Variants in CYLC1 observed in about 807,000 individuals in gnomAD.
The protein encoded by CYLC1 is cylicin-1.
Under a neutral mutation model 31.6 loss-of-function variants are expected in CYLC1, and 2 were observed. That is an observed-to-expected ratio of 0.06 (90% CI 0.03 to 0.20). CYLC1 has a LOEUF of 0.20. CYLC1 is among the 10% of genes least tolerant of loss of function. The pLI is 1.00. For missense variants in CYLC1, 595 were observed against 424.1 expected (o/e 1.40, Z -3.54); for synonymous variants, 185 against 153.0 (o/e 1.21, Z -1.54).
intron 4 of CYLC1, among the ~76,000 whole-genome samples, chrX:83,879,330 A>AT (rs2031877209): frequency 9.1e-6 from 1 of 109,718 alleles, no homozygotes; most frequent in African/African-American, 3.4e-5. Context: ...CTCTTACACC[A>AT]TTTCCTTGTA....
rs142567936 is a variant in CYLC1 at position 83,864,794 on chromosome X, C to G, written c.17+3595C>G. 1,324 of 253,186 alleles carry G rather than the reference C, an allele frequency of 5.2e-3. 14 individuals are homozygous for G. Among genetic ancestry groups the G allele is most frequent in the African/African-American group, 0.036 (1,207 of 33,691 alleles). The allele number at this position is 253,186 out of a possible 1,213,427, so 20.9% of individuals were successfully genotyped here. A position where few individuals can be genotyped will look rare whatever the true frequency, so the allele number is the denominator to read the frequency against. ...CTAGCAGCACTTGATACAACTGAGC[C>G]CCTTCATGAAATATTCTTCTCTTGG... is the stretch of plus-strand genomic sequence containing the variant. On this transcript the variant is annotated intron_variant, in intron 1 of 4. Coordinates refer to ENST00000329312, the MANE Select transcript of CYLC1 (RefSeq NM_021118.3).
chrX:83,865,640 A>C, intron 1 of CYLC1, among the ~76,000 whole-genome samples: 1 of 111,837 alleles, frequency 8.9e-6, no homozygotes, highest in Non-Finnish European at 1.9e-5. Context: ...AGGCATCAGA[A>C]GCTATTGTAT....
chrX:83,872,460 G>A (rs2031679108), intron 3 of CYLC1, among the ~76,000 whole-genome samples: 1 of 110,305 alleles, frequency 9.1e-6, no homozygotes, highest in Non-Finnish European at 1.9e-5. Context: ...TACAGGAACT[G>A]TCATAACAAA....
At position 83,885,596 on chromosome X, in the gene CYLC1, C is replaced by G. The variant is rs981472429; in HGVS notation, c.1924-956C>G. ...TCAGTGACAGCAGTACATTTATTCA[C>G]TGCTGACTTCAGAAGGGGACCAATA... On this transcript the variant is annotated intron_variant, in intron 4 of 4. Coordinates refer to ENST00000329312, the MANE Select transcript of CYLC1 (RefSeq NM_021118.3). Among the ~76,000 whole-genome samples the G allele has an allele frequency of 2.6e-4, 28 of 109,405 alleles. 1 individual carries two copies. Among genetic ancestry groups the G allele is most frequent in the Admixed American group, 2.0e-3 (20 of 10,056 alleles).
At chrX:83,878,818 A>G (rs1203904651) in intron 4 of CYLC1, among the ~76,000 whole-genome samples, 3 of 105,479 alleles carry the variant, frequency 2.8e-5, no homozygotes, top group African/African-American at 6.9e-5. Context: ...TTATGAACAA[A>G]CTTTGTTATT....
At chrX:83,882,294 C>A (rs1274811262) in intron 4 of CYLC1, among the ~76,000 whole-genome samples, 1 of 110,635 alleles carries the variant, frequency 9.0e-6, no homozygotes, top group Non-Finnish European at 1.9e-5. Flanking sequence ...CTAATTGAGT[C>A]CTACATTTGT....
chrX:83,872,136 G>A (rs2031674683), intron 3 of CYLC1, among the ~76,000 whole-genome samples: 1 of 110,697 alleles, frequency 9.0e-6, no homozygotes, highest in African/African-American at 3.3e-5. Flanking sequence ...TTTCTCTTCA[G>A]GTCATCTTTT....
Position 83,869,922 on chromosome X carries a change from T to C in CYLC1, c.58+17T>C. 1 of 786,706 alleles carries C rather than the reference T, an allele frequency of 1.3e-6. No homozygotes were observed. Among genetic ancestry groups the C allele is most frequent in the Admixed American group, 4.8e-5 (1 of 20,833 alleles). 64.8% of individuals were successfully genotyped at this position (786,706 alleles called of 1,213,427 possible). Reference sequence around the variant, plus strand: ...CCATTCCAAGTAAGAATTTAGTTAATGAAGTTTAATATTTCTTAGATTGGA... The same window carrying C: ...CCATTCCAAGTAAGAATTTAGTTAACGAAGTTTAATATTTCTTAGATTGGA... On this transcript the variant is annotated intron_variant, in intron 2 of 4. Coordinates refer to ENST00000329312, the MANE Select transcript of CYLC1 (RefSeq NM_021118.3).
At position 83,885,485 on chromosome X, in the gene CYLC1, C is replaced by T. The variant is rs758458479; in HGVS notation, c.1924-1067C>T. On this transcript the variant is annotated intron_variant, in intron 4 of 4. Coordinates refer to ENST00000329312, the MANE Select transcript of CYLC1 (RefSeq NM_021118.3). ...ATGCGACTATTATATATATATAAAT[C>T]TTATGTATATTAACTATATCAATAC... Among the ~76,000 whole-genome samples the T allele has an allele frequency of 4.6e-5, 5 of 108,987 alleles. 1 individual carries two copies. The highest frequency in any genetic ancestry group is 4.0e-4 in the Admixed American group (4 of 10,007). The allele number at this position is 108,987 out of a possible 115,157, so 94.6% of individuals were successfully genotyped here.
chrX:83,862,375 CAAAAAAAAAAAA>C (rs754165765), intron 1 of CYLC1, among the ~76,000 whole-genome samples: 63 of 58,835 alleles, frequency 1.1e-3, no homozygotes, highest in Admixed American at 4.2e-3. Flanking sequence ...ACTAAAAATA[CAAAAAAAAAAAA>C]AAAAAATCAG....
intron 4 of CYLC1, among the ~76,000 whole-genome samples, chrX:83,884,866 A>C (rs2031961213): frequency 9.0e-6 from 1 of 111,006 alleles, no homozygotes; most frequent in Admixed American, 9.7e-5. Flanking sequence ...GACTGTCAAT[A>C]ATAATTTCTA....
intron 4 of CYLC1, among the ~76,000 whole-genome samples, chrX:83,885,307 T>A (rs2031966027): frequency 9.1e-6 from 1 of 109,823 alleles, no homozygotes; most frequent in African/African-American, 3.3e-5. Context: ...GACATATTTC[T>A]GAGAATGAAA....
At chrX:83,875,224 T>C (rs1371645293) in intron 4 of CYLC1, among the ~76,000 whole-genome samples, 1 of 111,588 alleles carries the variant, frequency 9.0e-6, no homozygotes, top group Non-Finnish European at 1.9e-5. Context: ...ATAAACCTCA[T>C]GTTAACTTTA....
chrX:83,875,486 G>A (rs934179689), intron 4 of CYLC1, among the ~76,000 whole-genome samples: 2 of 111,694 alleles, frequency 1.8e-5, no homozygotes, highest in African/African-American at 6.5e-5. Flanking sequence ...TCTCAATCAT[G>A]GCAAAAGGCA....
intron 1 of CYLC1, among the ~76,000 whole-genome samples, chrX:83,862,178 A>G (rs976790985): frequency 2.7e-5 from 3 of 111,313 alleles, no homozygotes; most frequent in African/African-American, 9.8e-5. Flanking sequence ...TAATGTTCAT[A>G]TTTTTTTCTA....
At chrX:83,866,120 G>GT (rs1485441983) in intron 1 of CYLC1, among the ~76,000 whole-genome samples, 2 of 111,622 alleles carry the variant, frequency 1.8e-5, no homozygotes, top group African/African-American at 6.5e-5. Context: ...GTGAGATTCT[G>GT]TAAGTGTTCC....
Position 83,873,252 on chromosome X carries a change from A to G in CYLC1, c.544A>G (p.Asn182Asp). 1 of 1,197,820 alleles carries G rather than the reference A, an allele frequency of 8.3e-7. No homozygotes were observed. The highest frequency in any genetic ancestry group is 1.1e-6 in the Non-Finnish European group (1 of 887,741). Residue 182 changes from asparagine (N) to aspartate (D), a missense_variant, in exon 4 of 5, where the codon AAT (asparagine) becomes GAT (aspartate). Transcript: ENST00000329312. Reference sequence around the variant, plus strand: ...GAAGTCAAAATCCAGTTCAGAAACTAATCCAGAATCCCAAAATTCTAAGAC... The same window carrying G: ...GAAGTCAAAATCCAGTTCAGAAACTGATCCAGAATCCCAAAATTCTAAGAC... ...SKKSKSSSET[N>D]PESQNSKTVS...
At chrX:83,862,267 C>CT (rs1174462948) in intron 1 of CYLC1, among the ~76,000 whole-genome samples, 1 of 110,145 alleles carries the variant, frequency 9.1e-6, no homozygotes, top group Non-Finnish European at 1.9e-5. Flanking sequence ...CACTGTGGCT[C>CT]ACGCCTGTAA....
chrX:83,869,472 G>A (rs1351890578), intron 1 of CYLC1, among the ~76,000 whole-genome samples: 4 of 110,255 alleles, frequency 3.6e-5, no homozygotes, highest in Non-Finnish European at 5.7e-5. Context: ...GGTGGTGTTT[G>A]GTTTTCTGTT....
Sources: gnomAD v4.1 joint callset for allele counts (sites outside exome capture counted in the v4.1 genomes callset) on GRCh38, gnomAD v4.1.1 for gene constraint, MANE v1.5 for transcripts, NCBI Gene and HGNC (gene_info 2026-07-23, HGNC 2026-07-21) for gene names.